Variants in NDST3 observed in about 807,000 individuals in gnomAD.
The protein encoded by NDST3 is N-deacetylase and N-sulfotransferase 3.
A neutral mutation model predicts 96.1 loss-of-function variants in NDST3; 58 were observed. The observed-to-expected ratio is 0.60, with a 90% confidence interval of 0.49 to 0.75. The LOEUF (loss-of-function observed/expected upper bound fraction) is 0.75. Ranked by LOEUF, NDST3 falls within the 30% of genes least tolerant of loss-of-function variation. The pLI, the probability that NDST3 is intolerant of heterozygous loss-of-function variation, is 0.00. For missense variants in NDST3, 788 were observed against 1,034.2 expected (o/e 0.76, Z 3.27); for synonymous variants, 333 against 359.7 (o/e 0.93, Z 0.84).
rs569867453 is a variant in NDST3 at position 118,250,196 on chromosome 4, C to T, written c.2400-3303C>T. ...TGTGGACATACATTTGCATTGCATT[C>T]GAGTAAAAACCTAGAAATGGGGTTG... On this transcript the variant is annotated intron_variant, in intron 12 of 13. Coordinates refer to ENST00000296499, the MANE Select transcript of NDST3 (RefSeq NM_004784.3). 2.6e-4 allele frequency among the ~76,000 whole-genome samples: 39 copies of T among 152,226 alleles called. No individual in the cohort carries two copies. The South Asian group carries it at 4.1e-3, about 16-fold the overall frequency.
chr4:118,078,743 T>C (rs1470437203), intron 2 of NDST3, among the ~76,000 whole-genome samples: 2 of 45,840 alleles, frequency 4.4e-5, no homozygotes, highest in Non-Finnish European at 7.5e-5. Context: ...AGCCAGACTC[T>C]GAAAAAAAAA....
chr4:118,216,717 G>A (rs1376504191), intron 6 of NDST3, among the ~76,000 whole-genome samples: 1 of 152,058 alleles, frequency 6.6e-6, no homozygotes, highest in Non-Finnish European at 1.5e-5. Flanking sequence ...TAGAGAAGCA[G>A]AGTTCAGAAA....
intron 6 of NDST3, among the ~76,000 whole-genome samples, chr4:118,211,437 A>ATTATAAAG (rs1218432518): frequency 6.6e-6 from 1 of 152,132 alleles, no homozygotes; most frequent in Non-Finnish European, 1.5e-5. Context: ...GAAATATAAA[A>ATTATAAAG]TTTCTAAGAA....
At chr4:118,064,750 A>T (rs1385730571) in intron 2 of NDST3, among the ~76,000 whole-genome samples, 1 of 152,068 alleles carries the variant, frequency 6.6e-6, no homozygotes, top group South Asian at 2.1e-4. Flanking sequence ...AAACAACCCA[A>T]ATCTGTCATT....
chr4:118,078,536 G>A (rs114445593), intron 2 of NDST3, among the ~76,000 whole-genome samples: 243 of 152,168 alleles, frequency 1.6e-3, no homozygotes, highest in African/African-American at 5.4e-3. Flanking sequence ...TGGATCACGA[G>A]GGTCAGGAGC....
chr4:118,117,440 GATGGCATTTGTTTA>G (rs1731216556), intron 4 of NDST3, among the ~76,000 whole-genome samples: 1 of 152,012 alleles, frequency 6.6e-6, no homozygotes, highest in South Asian at 2.1e-4. Flanking sequence ...TTTGTATTGG[GATGGCATTTGTTTA>G]ATGTGAATTT....
intron 2 of NDST3, among the ~76,000 whole-genome samples, chr4:118,070,723 G>A (rs962691948): frequency 6.8e-6 from 1 of 147,576 alleles, no homozygotes; most frequent in East Asian, 2.0e-4. Context: ...ATGTATACAT[G>A]TGCCATGATG....
At position 118,206,712 on chromosome 4, in the gene NDST3, A is replaced by C. The variant is rs547105785; in HGVS notation, c.1540-17779A>C. Among the ~76,000 whole-genome samples, 253 of 144,208 alleles carry C rather than the reference A, an allele frequency of 1.8e-3. 32 individuals are homozygous for C. The highest frequency in any genetic ancestry group is 3.4e-3 in the Non-Finnish European group (219 of 65,118). 94.6% of individuals were successfully genotyped at this position (144,208 alleles called of 152,430 possible). The stretch of plus-strand genomic sequence containing the variant: ...AAACAAAAGTGAGGAGGTCATTTAG[A>C]AAGTTATTAGAGTGGTTCAAGCAAA... On this transcript the variant is annotated intron_variant, in intron 6 of 13. Transcript: ENST00000296499.
chr4:118,091,457 T>C (rs1397310210), intron 2 of NDST3, among the ~76,000 whole-genome samples: 1 of 151,806 alleles, frequency 6.6e-6, no homozygotes, highest in Admixed American at 6.6e-5. Context: ...AGTAATATGT[T>C]CATCCTCCTG....
At chr4:118,176,814 G>T (rs906624473) in intron 6 of NDST3, among the ~76,000 whole-genome samples, 1 of 151,970 alleles carries the variant, frequency 6.6e-6, no homozygotes, top group Non-Finnish European at 1.5e-5. Flanking sequence ...TCTGATGAAA[G>T]ATCTGGAAAA....
chr4:118,129,075 C>CT (rs934067845), intron 4 of NDST3, among the ~76,000 whole-genome samples: 3 of 151,596 alleles, frequency 2.0e-5, no homozygotes, highest in Admixed American at 1.3e-4. Flanking sequence ...GGTCCTCATC[C>CT]TTTTTTTTCT....
intron 1 of NDST3, among the ~76,000 whole-genome samples, chr4:118,048,497 G>A (rs1388217158): frequency 6.6e-6 from 1 of 151,986 alleles, no homozygotes; most frequent in Non-Finnish European, 1.5e-5. Flanking sequence ...CACATGTAAT[G>A]GTACCCACAG....
intron 3 of NDST3, among the ~76,000 whole-genome samples, chr4:118,106,741 T>G (rs1308333127): frequency 6.6e-6 from 1 of 151,926 alleles, no homozygotes; most frequent in Non-Finnish European, 1.5e-5. Context: ...CAGTAAACTA[T>G]GTTCATGCCA....
intron 6 of NDST3, among the ~76,000 whole-genome samples, chr4:118,175,731 AG>A (rs1736238054): frequency 6.6e-6 from 1 of 152,118 alleles, no homozygotes; most frequent in African/African-American, 2.4e-5. Context: ...CCTGTTCCTG[AG>A]GGCATGCAGA....
rs563765955 is a variant in NDST3, at chr4:118,247,273, C to T, written c.2399+5124C>T. 7.7e-4 allele frequency among the ~76,000 whole-genome samples: 117 copies of T among 151,840 alleles called. 3 individuals are homozygous for T. The South Asian group carries it at 9.4e-3, about 12-fold the overall frequency. ...AGAGTTAGAAAAGGTTTATCTGGGCCGGGCATGGTGACTCATTGCTGTAAT... is the reference window on the plus strand; with the variant it reads ...AGAGTTAGAAAAGGTTTATCTGGGCTGGGCATGGTGACTCATTGCTGTAAT... On this transcript the variant is annotated intron_variant, in intron 12 of 13. Transcript: ENST00000296499.
At chr4:118,076,403 T>C (rs1727534185) in intron 2 of NDST3, among the ~76,000 whole-genome samples, 1 of 152,194 alleles carries the variant, frequency 6.6e-6, no homozygotes, top group Non-Finnish European at 1.5e-5. Context: ...TCTAAGTTGC[T>C]CATTTTCTCT....
chr4:118,126,535 CACATAT>C (rs1560661961), intron 4 of NDST3, among the ~76,000 whole-genome samples: 1 of 10,206 alleles, frequency 9.8e-5, no homozygotes, highest in Non-Finnish European at 7.0e-4. Flanking sequence ...TATATATATA[CACATAT>C]ATATATATAT....
At chr4:118,043,383 A>G (rs1724579877) in intron 1 of NDST3, among the ~76,000 whole-genome samples, 1 of 152,226 alleles carries the variant, frequency 6.6e-6, no homozygotes, top group South Asian at 2.1e-4. Flanking sequence ...GGCAAAAGAA[A>G]GGTACTATCT....
At chr4:118,204,779 T>C (rs1578811314) in intron 6 of NDST3, among the ~76,000 whole-genome samples, 2 of 144,694 alleles carry the variant, frequency 1.4e-5, no homozygotes, top group Non-Finnish European at 3.1e-5. Context: ...CTCTAAGATA[T>C]TGGCACTTCT....
Sources: allele counts gnomAD v4.1 joint callset (sites outside exome capture counted in the v4.1 genomes callset), GRCh38; gene constraint gnomAD v4.1.1; transcripts MANE v1.5; gene names NCBI Gene and HGNC (gene_info 2026-07-23, HGNC 2026-07-21).